The following ANGEL2 variants were observed in gnomAD, a reference collection of about 807,000 sequenced individuals.
ANGEL2 encodes angel homolog 2, also known as RNA 2',3'-cyclic phosphatase ANGEL2.
Under a neutral mutation model 66.0 loss-of-function variants are expected in ANGEL2, and 41 were observed. The observed-to-expected ratio is 0.62, with a 90% CI of 0.48 to 0.81. The LOEUF is 0.81. ANGEL2 is among the 30% of genes least tolerant of loss of function. The probability of loss-of-function intolerance (pLI) is 0.00; values close to 1 mark genes in which losing one functional copy is unlikely to be tolerated. For missense variants in ANGEL2, 561 were observed against 641.6 expected (o/e 0.87, Z 1.36); for synonymous variants, 208 against 226.5 (o/e 0.92, Z 0.73).
In ANGEL2 at chr1:212,992,704, A is replaced by G. The variant is rs1287869805; in HGVS notation, c.*2337T>C. On this transcript the variant is annotated 3_prime_UTR_variant, in exon 9 of 9. Transcript: ENST00000366962. ...CTCTATCAAAGTGAAGCACATGAAA[A>G]ATGGGCCTAAAGTCACAATATATTA... The G allele has an allele frequency of 6.6e-6, 1 of 152,240 alleles. No homozygotes were observed. The highest frequency in any genetic ancestry group is 1.5e-5 in the Non-Finnish European group (1 of 68,036). 9.4% of individuals were successfully genotyped at this position (152,240 alleles called of 1,614,324 possible).
At chr1:212,997,621 G>A (rs543860415) in intron 7 of ANGEL2, among the ~76,000 whole-genome samples, 1 of 152,242 alleles carries the variant, frequency 6.6e-6, no homozygotes, top group South Asian at 2.1e-4. Flanking sequence ...ATTCTAACAA[G>A]TTTTATTGTG....
At chr1:213,000,765 A>G in intron 6 of ANGEL2, 21 bp downstream of exon 6, 1 of 1,588,590 alleles carries the variant, frequency 6.3e-7, no homozygotes, top group Middle Eastern at 1.7e-4. Context: ...CAGACTGCCA[A>G]AATGTATTAC....
chr1:212,996,263 C>T (rs1400187005), intron 8 of ANGEL2, among the ~76,000 whole-genome samples: 11 of 151,974 alleles, frequency 7.2e-5, no homozygotes, highest in Admixed American at 1.3e-4. Context: ...GCTGAGATAG[C>T]GCCACTGCAC....
chr1:213,011,729 CAGGG>C (rs1229075593), intron 2 of ANGEL2, among the ~76,000 whole-genome samples: 6 of 152,148 alleles, frequency 3.9e-5, no homozygotes, highest in African/African-American at 1.2e-4. Context: ...GAAAAGAAAG[CAGGG>C]AGTGGTTCCT....
intron 2 of ANGEL2, 86 bp downstream of exon 2, chr1:213,013,007 A>G (rs1572158829): frequency 1.5e-6 from 2 of 1,337,836 alleles, no homozygotes; most frequent in East Asian, 2.3e-5. Context: ...CTAAAACCTT[A>G]GGAGGTTTAA....
chr1:212,996,623 C>CAAAA, intron 8 of ANGEL2, among the ~76,000 whole-genome samples: 1 of 22,120 alleles, frequency 4.5e-5, no homozygotes, highest in African/African-American at 8.3e-5. Context: ...ACTCTGTATC[C>CAAAA]AAAAAAAAAA....
intron 2 of ANGEL2, among the ~76,000 whole-genome samples, chr1:213,011,790 C>T (rs2076516331): frequency 6.6e-6 from 1 of 152,098 alleles, no homozygotes; most frequent in African/African-American, 2.4e-5. Context: ...TGAAAGCATC[C>T]CAGATTTCTA....
At position 213,015,770 on chromosome 1, in the gene ANGEL2, CTT is replaced by C; in HGVS notation, c.-101_-100del. 1 of 1,529,602 alleles carries C rather than the reference CTT, an allele frequency of 6.5e-7. No individual in the cohort carries two copies. The highest frequency in any genetic ancestry group is 1.1e-5 in the South Asian group (1 of 87,598). 94.8% of individuals were successfully genotyped at this position (1,529,602 alleles called of 1,614,324 possible). A position where few individuals can be genotyped will look rare whatever the true frequency, so the allele number is the denominator to read the frequency against. ...AAAGTATCTAGGGAACCCCATCACT[CTT>C]AAGTACCGACTCCAGTCCTGGCTGC... On this transcript the variant is annotated 5_prime_UTR_variant, in exon 1 of 9. The change creates a premature stop within an existing upstream ORF in the 5' untranslated region. Transcript: ENST00000366962.
intron 2 of ANGEL2, among the ~76,000 whole-genome samples, chr1:213,008,972 G>A (rs2076420925): frequency 6.6e-6 from 1 of 152,222 alleles, no homozygotes; most frequent in South Asian, 2.1e-4. Flanking sequence ...ATACATGAAA[G>A]AAGTGTATAT....
At position 213,007,163 on chromosome 1, in the gene ANGEL2, A is replaced by G. The variant is rs1441947217; in HGVS notation, c.678T>C (p.Tyr226=). 1 of 1,599,688 alleles carries G rather than the reference A, an allele frequency of 6.3e-7. No individual in the cohort carries two copies. Among genetic ancestry groups the G allele is most frequent in the East Asian group, 2.3e-5 (1 of 44,372 alleles). Residue 226 remains tyrosine, a synonymous_variant, in exon 4 of 9, where the codon TAT becomes TAC. Coordinates refer to ENST00000366962, the MANE Select transcript of ANGEL2 (RefSeq NM_144567.5). ...LCLQEVQEDH[Y]GAEIRPSLES... is the part of the protein sequence containing the mutation. Reference sequence around the variant, plus strand: ...CCAAACTTGGCCTGATCTCTGCTCCATAATGATCTTCTTGAACTTCTTGCA... The same window carrying G: ...CCAAACTTGGCCTGATCTCTGCTCCGTAATGATCTTCTTGAACTTCTTGCA...
At chr1:212,995,244 TA>T in intron 8 of ANGEL2, 52 bp from the exon 9 acceptor site, 1 of 1,511,148 alleles carries the variant, frequency 6.6e-7, no homozygotes, top group Non-Finnish European at 8.9e-7. Context: ...CGGGTTATTG[TA>T]AATTAATCAT....
rs752269477 is a variant in ANGEL2 at position 212,995,136 on chromosome 1, T to C, written c.1540A>G (p.Thr514Ala). 4 of 1,610,930 alleles carry C rather than the reference T, an allele frequency of 2.5e-6. No homozygotes were observed. The Admixed American group carries it at 6.7e-5, about 27-fold the overall frequency. Residue 514 changes from threonine to alanine, a missense_variant, in exon 9 of 9, where the codon ACA (threonine) becomes GCA (alanine). Coordinates refer to ENST00000366962, the MANE Select transcript of ANGEL2 (RefSeq NM_144567.5). ...LKLLARLSLL[T>A]EQDLWTVNGL... ...TTAACAGTCCATAAGTCTTGTTCTG[T>C]AAGAAGTGACAGTCTAGCTAGAAGT...
At chr1:213,013,786 G>C (rs980261992) in intron 1 of ANGEL2, among the ~76,000 whole-genome samples, 2 of 152,054 alleles carry the variant, frequency 1.3e-5, no homozygotes, top group African/African-American at 4.8e-5. Context: ...TACACAACAA[G>C]TATTATACTG....
At chr1:213,014,378 T>C (rs969024222) in intron 1 of ANGEL2, among the ~76,000 whole-genome samples, 1 of 152,264 alleles carries the variant, frequency 6.6e-6, no homozygotes, top group East Asian at 1.9e-4. Flanking sequence ...TACGCTGTTA[T>C]TCTCGTTTTA....
intron 2 of ANGEL2, chr1:213,011,107 G>A (rs978650758): frequency 2.6e-6 from 3 of 1,145,074 alleles, no homozygotes; most frequent in Non-Finnish European, 2.3e-6. Flanking sequence ...TCAAATATGA[G>A]GGTTCCATGG....
intron 4 of ANGEL2, chr1:213,006,878 A>G: frequency 7.6e-6 from 3 of 396,496 alleles, no homozygotes; most frequent in Non-Finnish European, 1.3e-5. Flanking sequence ...TTAATGACAC[A>G]TGAATTTTCA....
At chr1:213,001,040 G>T in intron 5 of ANGEL2, 128 bp from the exon 6 acceptor site, 1 of 837,302 alleles carries the variant, frequency 1.2e-6, no homozygotes. Context: ...ATTGTATTAA[G>T]TGATTCTTTG....
intron 4 of ANGEL2, among the ~76,000 whole-genome samples, 183 bp from the exon 5 acceptor site, chr1:213,005,637 C>T (rs1013055818): frequency 4.6e-5 from 7 of 152,194 alleles, no homozygotes; most frequent in Non-Finnish European, 7.3e-5. Flanking sequence ...CCTCTTTATG[C>T]GCAGACTTCA....
chr1:212,996,365 C>T (rs1462032407), intron 8 of ANGEL2, among the ~76,000 whole-genome samples: 1 of 151,526 alleles, frequency 6.6e-6, no homozygotes, highest in East Asian at 1.9e-4. Context: ...TGGCTCATGC[C>T]TGTAATCCAA....
Sources: gnomAD v4.1 joint callset for allele counts (sites outside exome capture counted in the v4.1 genomes callset) on GRCh38, gnomAD v4.1.1 for gene constraint, MANE v1.5 for transcripts, NCBI Gene and HGNC (gene_info 2026-07-23, HGNC 2026-07-21) for gene names.